Variants in MACROH2A1 observed in about 807,000 individuals in gnomAD.
The protein encoded by MACROH2A1 is macroH2A.1 histone.
A neutral mutation model predicts 31.6 loss-of-function variants in MACROH2A1; 2 were observed. The ratio of observed to expected loss-of-function variants is 0.06; its 90% CI spans 0.03 to 0.20. The LOEUF is 0.20. Among genes scored for constraint, MACROH2A1 ranks in the 10% least tolerant of loss-of-function variants. The pLI, the probability that MACROH2A1 is intolerant of heterozygous loss-of-function variation, is 1.00. For missense variants in MACROH2A1, 230 were observed against 474.0 expected (o/e 0.49, Z 4.78); for synonymous variants, 169 against 189.6 (o/e 0.89, Z 0.89).
At chr5:135,382,627 C>A (rs2149918556) in intron 2 of MACROH2A1, among the ~76,000 whole-genome samples, 1 of 152,268 alleles carries the variant, frequency 6.6e-6, no homozygotes, top group Middle Eastern at 3.4e-3. Context: ...CAATCTATAC[C>A]ATAAATAATT....
At chr5:135,339,284 G>A (rs1350841916) in intron 8 of MACROH2A1, among the ~76,000 whole-genome samples, 1 of 152,150 alleles carries the variant, frequency 6.6e-6, no homozygotes, top group Non-Finnish European at 1.5e-5. Flanking sequence ...GTAATGGCTG[G>A]GGGGTGTACG....
At chr5:135,349,537 G>C (rs1484389577) in intron 6 of MACROH2A1, among the ~76,000 whole-genome samples, 2 of 152,118 alleles carry the variant, frequency 1.3e-5, no homozygotes, top group Non-Finnish European at 2.9e-5. Context: ...CCAAATTGCA[G>C]TGGCTGGGGA....
Position 135,370,150 on chromosome 5 carries a change from G to T in MACROH2A1, c.173-8C>A. The T allele has an allele frequency of 6.4e-7, 1 of 1,564,082 alleles. No individual in the cohort carries two copies. The highest frequency in any genetic ancestry group is 8.8e-7 in the Non-Finnish European group (1 of 1,137,392). On this transcript the variant is annotated splice_region_variant and splice_polypyrimidine_tract_variant and intron_variant, in intron 2 of 8. Transcript: ENST00000511689. ...CCAGCTCCAGAATCTCCGCTGTGGGGAGCAGAGATGAGTGTATGGTCATGT... is the reference window on the plus strand; with the variant it reads ...CCAGCTCCAGAATCTCCGCTGTGGGTAGCAGAGATGAGTGTATGGTCATGT...
Position 135,388,988 on chromosome 5 carries a change from G to C in MACROH2A1, c.106C>G (p.His36Asp), listed in dbSNP as rs1212495909. Residue 36 changes from histidine to aspartate, a missense_variant, in exon 2 of 9, where the codon CAC becomes GAC. Around this residue, in one of 2 missense-constraint regions of MACROH2A1, gnomAD observed 47 missense variants for 154.7 expected, o/e 0.30. Coordinates refer to ENST00000511689, the MANE Select transcript of MACROH2A1 (RefSeq NM_138610.3). The stretch of plus-strand genomic sequence containing the variant: ...CCCACTCCAATCCTGTACTTGGGGT[G>C]GCCTTTCTTGATGTACCGCAGCATC... ...GRMLRYIKKG[H>D]PKYRIGVGAP... 6.2e-7 allele frequency: 1 copy of C among 1,613,816 alleles called. No individual in the cohort carries two copies.
chr5:135,395,915 A>AC (rs1470350694), intron 1 of MACROH2A1, among the ~76,000 whole-genome samples: 18 of 152,310 alleles, frequency 1.2e-4, no homozygotes, highest in African/African-American at 4.1e-4. Context: ...TAAATCATAA[A>AC]CCATGCATTT....
At chr5:135,388,442 T>C (rs181303580) in intron 2 of MACROH2A1, among the ~76,000 whole-genome samples, 48 of 152,280 alleles carry the variant, frequency 3.2e-4, no homozygotes, top group African/African-American at 1.1e-3. Context: ...CCAACCCAGA[T>C]TGGAGGACAT....
intron 4 of MACROH2A1, chr5:135,361,441 C>T (rs1426657413): frequency 3.3e-5 from 5 of 152,116 alleles, no homozygotes; most frequent in African/African-American, 7.2e-5. Flanking sequence ...AGTAGGGATG[C>T]GTGTTTTTGG....
At chr5:135,377,361 C>T (rs767636612) in intron 2 of MACROH2A1, among the ~76,000 whole-genome samples, 2 of 152,364 alleles carry the variant, frequency 1.3e-5, no homozygotes, top group East Asian at 3.9e-4. Context: ...GGGAAAACCA[C>T]AGCCATTTGT....
At chr5:135,384,255 T>TAC (rs1766089082) in intron 2 of MACROH2A1, among the ~76,000 whole-genome samples, 1 of 152,190 alleles carries the variant, frequency 6.6e-6, no homozygotes, top group Non-Finnish European at 1.5e-5. Context: ...GGATGGGTTG[T>TAC]GGCCCTATGA....
At chr5:135,375,907 A>C (rs556799384) in intron 2 of MACROH2A1, among the ~76,000 whole-genome samples, 1 of 152,310 alleles carries the variant, frequency 6.6e-6, no homozygotes, top group East Asian at 1.9e-4. Context: ...CCCAATCGGA[A>C]GGTGACTGCT....
At position 135,388,955 on chromosome 5, in the gene MACROH2A1, C is replaced by T; in HGVS notation, c.139G>A (p.Val47Met). The T allele has an allele frequency of 1.2e-6, 2 of 1,611,920 alleles. No individual in the cohort carries two copies. The highest frequency in any genetic ancestry group is 1.7e-6 in the Non-Finnish European group (2 of 1,178,328). Reference protein sequence around the residue: ...PKYRIGVGAPVYMAAVLEYLT... With the variant: ...PKYRIGVGAPMYMAAVLEYLT... Reference sequence around the variant, plus strand: ...TATTCCAGGACGGCGGCCATGTACACGGGTGCCCCCACTCCAATCCTGTAC... The same window carrying T: ...TATTCCAGGACGGCGGCCATGTACATGGGTGCCCCCACTCCAATCCTGTAC... Residue 47 changes from valine to methionine, a missense_variant, in exon 2 of 9, where the codon GTG becomes ATG. Around this residue, in one of 2 missense-constraint regions of MACROH2A1, gnomAD observed 47 missense variants for 154.7 expected, o/e 0.30. Transcript: ENST00000511689.
At chr5:135,360,411 G>T in intron 5 of MACROH2A1, 86 bp downstream of exon 5, 2 of 906,152 alleles carry the variant, frequency 2.2e-6, no homozygotes, top group Non-Finnish European at 3.6e-6. Flanking sequence ...TGGCCCCCGG[G>T]ATCCCCCCAG....
At chr5:135,342,005 C>A (rs1381214468) in intron 8 of MACROH2A1, among the ~76,000 whole-genome samples, 1 of 152,214 alleles carries the variant, frequency 6.6e-6, no homozygotes, top group African/African-American at 2.4e-5. Flanking sequence ...AGCAAGCCAC[C>A]TGCCAATACA....
At chr5:135,367,790 C>T (rs1312021758) in intron 4 of MACROH2A1, among the ~76,000 whole-genome samples, 2 of 152,222 alleles carry the variant, frequency 1.3e-5, no homozygotes, top group Non-Finnish European at 2.9e-5. Context: ...GGCTCATAAT[C>T]AAAAGATGAT....
At chr5:135,385,825 T>C (rs1274139438) in intron 2 of MACROH2A1, among the ~76,000 whole-genome samples, 1 of 152,198 alleles carries the variant, frequency 6.6e-6, no homozygotes, top group Non-Finnish European at 1.5e-5. Context: ...TGCAACACTT[T>C]CAGTCTCTAA....
chr5:135,362,246 G>A (rs999140363), intron 4 of MACROH2A1: 4 of 152,206 alleles, frequency 2.6e-5, no homozygotes, highest in African/African-American at 9.7e-5. Context: ...TAACAGTAAT[G>A]GACCAGTGTT....
chr5:135,335,063 A>G lies in MACROH2A1; in HGVS notation c.1032T>C (p.Ser344=). The change falls in exon 9 of 9, where the codon TCT becomes TCC. Residue 344 remains serine (S), a synonymous_variant. Transcript: ENST00000511689. ...ISSYFVSTMS[S]SIKTVYFVLF... ...GCACGAAGTACACCGTTTTGATGGAAGAGGACATTGTAGACACGAAGTAAC... is the reference window on the plus strand; with the variant it reads ...GCACGAAGTACACCGTTTTGATGGAGGAGGACATTGTAGACACGAAGTAAC... The G allele has an allele frequency of 6.2e-7, 1 of 1,613,742 alleles. No individual in the cohort carries two copies. Among genetic ancestry groups the G allele is most frequent in the South Asian group, 1.1e-5 (1 of 91,084 alleles).
chr5:135,350,217 A>G (rs749527401), intron 6 of MACROH2A1, among the ~76,000 whole-genome samples: 2 of 152,158 alleles, frequency 1.3e-5, no homozygotes, highest in Non-Finnish European at 2.9e-5. Flanking sequence ...TGGGTCTAGG[A>G]TGATGTTTCT....
intron 6 of MACROH2A1, chr5:135,347,195 G>A (rs549349080): frequency 6.6e-6 from 1 of 152,216 alleles, no homozygotes; most frequent in Non-Finnish European, 1.5e-5. Context: ...GCGATGACCA[G>A]GGTTAATTAT....
Sources: allele counts gnomAD v4.1 joint callset (sites outside exome capture counted in the v4.1 genomes callset), GRCh38; gene constraint gnomAD v4.1.1; regional missense constraint gnomAD v4.1.1; transcripts MANE v1.5; gene names NCBI Gene and HGNC (gene_info 2026-07-23, HGNC 2026-07-21).